The following METTL5 variants were observed in gnomAD, a reference collection of about 807,000 sequenced individuals.
The protein encoded by METTL5 is rRNA N(6)-adenosine-methyltransferase METTL5.
METTL5 carries 28 observed loss-of-function variants against 26.5 expected under a neutral mutation model. The observed-to-expected ratio is 1.06, with a 90% CI of 0.78 to 1.45. The LOEUF is 1.45. METTL5 is among the 40% of genes most tolerant of loss of function. The pLI, the probability that METTL5 is intolerant of heterozygous loss-of-function variation, is 0.00. For missense variants in METTL5, 231 were observed against 249.9 expected (o/e 0.92, Z 0.51); for synonymous variants, 86 against 82.6 (o/e 1.04, Z -0.22).
At chr2:169,819,318 C>T (rs1233056100) in intron 4 of METTL5, among the ~76,000 whole-genome samples, 10 of 152,098 alleles carry the variant, frequency 6.6e-5, no homozygotes, top group African/African-American at 2.4e-4. Context: ...TTTTCTACTC[C>T]TGAGTTATAG....
In METTL5 at chr2:169,815,520, T is replaced by G. The variant is rs140530422; in HGVS notation, c.498A>C (p.Gln166His). 75 of 1,600,774 alleles carry G rather than the reference T, an allele frequency of 4.7e-5. No homozygotes were observed. Among genetic ancestry groups the G allele is most frequent in the Non-Finnish European group, 6.0e-5 (70 of 1,170,166 alleles). ...LHKSSTREHV[Q>H]KKAAEWKIKI... Reference sequence around the variant, plus strand: ...TGATTTTCCATTCTGCAGCTTTCTTTTGAACATGCTGAACATAAATAATAT... The same window carrying G: ...TGATTTTCCATTCTGCAGCTTTCTTGTGAACATGCTGAACATAAATAATAT... The change falls in exon 5 of 7, where the codon CAA becomes CAC. Residue 166 changes from glutamine to histidine, a missense_variant. By Grantham distance (24) the Gln-to-His change is conservative (BLOSUM62 0). Coordinates refer to ENST00000260953, the MANE Select transcript of METTL5 (RefSeq NM_014168.4).
chr2:169,812,342 G>C, intron 6 of METTL5, 115 bp downstream of exon 6: 1 of 1,586,428 alleles, frequency 6.3e-7, no homozygotes, highest in African/African-American at 1.3e-5. Flanking sequence ...CTGAGTTCAA[G>C]CGATTCTCTT....
At chr2:169,820,942 A>T (rs1220883701) in intron 3 of METTL5, 150 bp downstream of exon 3, 2 of 572,012 alleles carry the variant, frequency 3.5e-6, no homozygotes, top group African/African-American at 3.9e-5. Context: ...GTTGCCCGGG[A>T]TGGCTACCAA....
At chr2:169,819,772 C>A in intron 3 of METTL5, 129 bp from the exon 4 acceptor site, 2 of 565,162 alleles carry the variant, frequency 3.5e-6, no homozygotes, top group South Asian at 2.6e-5. Flanking sequence ...AATAAGGGTA[C>A]AAATAAACTA....
chr2:169,811,994 G>A, intron 6 of METTL5, 136 bp from the exon 7 acceptor site: 4 of 1,009,984 alleles, frequency 4.0e-6, no homozygotes, highest in Non-Finnish European at 4.4e-6. Context: ...CCATTAAATT[G>A]CCTTTGTAAT....
chr2:169,818,298 C>T (rs370780950), intron 4 of METTL5, among the ~76,000 whole-genome samples: 2 of 152,174 alleles, frequency 1.3e-5, no homozygotes, highest in East Asian at 1.9e-4. Context: ...GCAGAAGACT[C>T]CAGAAGCCTG....
chr2:169,821,101 T>G lies in METTL5; in HGVS notation c.397A>C (p.Asn133His). The change falls in exon 3 of 7, where the codon AAT becomes CAT. Residue 133 changes from asparagine (N) to histidine (H), a missense_variant. Asn to His is a moderately conservative substitution (Grantham distance 68). Coordinates refer to ENST00000260953, the MANE Select transcript of METTL5 (RefSeq NM_014168.4). ...GATTCTTGTTACAAACCTTTATTAT[T>G]TTTGGTCCCAAAGGGAGGATTCATA... ...VIMNPPFGTK[N>H]NKGTDMAFLK... 1 of 1,585,950 alleles carries G rather than the reference T, an allele frequency of 6.3e-7. No individual in the cohort carries two copies. Among genetic ancestry groups the G allele is most frequent in the East Asian group, 2.3e-5 (1 of 44,290 alleles).
At chr2:169,824,103 G>GA (rs1161929591) in intron 1 of METTL5, 6 of 178,006 alleles carry the variant, frequency 3.4e-5, no homozygotes, top group Admixed American at 3.3e-4. Context: ...GTAGCAATGG[G>GA]AAACTGATCC....
At chr2:169,812,015 A>G in intron 6 of METTL5, 157 bp from the exon 7 acceptor site, 1 of 801,492 alleles carries the variant, frequency 1.2e-6, no homozygotes. Flanking sequence ...ATGAGAATGT[A>G]TTAGTACAAA....
chr2:169,815,016 C>T (rs989500542), intron 5 of METTL5, among the ~76,000 whole-genome samples: 3 of 152,046 alleles, frequency 2.0e-5, no homozygotes, highest in Non-Finnish European at 2.9e-5. Context: ...CTCAGTCTCC[C>T]AAGTAGCTGA....
rs1298359270 is a variant in METTL5 at position 169,821,143 on chromosome 2, A to G, written c.355T>C (p.Ser119Pro). ...GGATTCATAATTACTGTATCGAATGACTTGGACATTCTGTTAGATAATAAG... is the reference window on the plus strand; with the variant it reads ...GGATTCATAATTACTGTATCGAATGGCTTGGACATTCTGTTAGATAATAAG... ...VCLLSNRMSK[S>P]FDTVIMNPPF... is the part of the protein sequence containing the mutation. The change falls in exon 3 of 7, where the codon TCA (serine) becomes CCA (proline). Residue 119 changes from serine (S) to proline (P), a missense_variant. Coordinates refer to ENST00000260953, the MANE Select transcript of METTL5 (RefSeq NM_014168.4). 6.2e-7 allele frequency: 1 copy of G among 1,610,862 alleles called. No individual in the cohort carries two copies. The highest frequency in any genetic ancestry group is 1.7e-5 in the Admixed American group (1 of 59,412).
intron 3 of METTL5, among the ~76,000 whole-genome samples, chr2:169,820,532 A>G (rs1351685539): frequency 1.3e-5 from 2 of 152,242 alleles, no homozygotes; most frequent in Non-Finnish European, 1.5e-5. Context: ...AATTTGTAAA[A>G]ATGAAAGTTG....
intron 5 of METTL5, among the ~76,000 whole-genome samples, chr2:169,814,597 T>C (rs10196858): frequency 0.97 from 141,440 of 145,302 alleles, 68,944 homozygotes; most frequent in East Asian, 1. Flanking sequence ...TTTTTTGAGA[T>C]GGAATCTCAC....
At chr2:169,816,035 CTA>C (rs555179172) in intron 4 of METTL5, among the ~76,000 whole-genome samples, 62 of 152,142 alleles carry the variant, frequency 4.1e-4, no homozygotes, top group African/African-American at 1.3e-3. Context: ...GTGGTCCACT[CTA>C]TGTTTGCACA....
intron 1 of METTL5, 96 bp downstream of exon 1, chr2:169,824,393 T>C: frequency 3.9e-6 from 4 of 1,013,326 alleles, no homozygotes; most frequent in Non-Finnish European, 3.1e-6. Context: ...AGAATTTCTC[T>C]AGACATTCTC....
intron 6 of METTL5, chr2:169,812,083 TTC>T: frequency 1.6e-6 from 1 of 618,680 alleles, no homozygotes; most frequent in Non-Finnish European, 2.7e-6. Context: ...GATTTTTTTT[TTC>T]TTTTTGTACC....
intron 4 of METTL5, among the ~76,000 whole-genome samples, chr2:169,818,190 A>G (rs1026277250): frequency 6.6e-6 from 1 of 152,214 alleles, no homozygotes; most frequent in African/African-American, 2.4e-5. Context: ...AGCCCTGGGC[A>G]CTGAGTCTCT....
chr2:169,818,729 A>G (rs2081543388), intron 4 of METTL5, among the ~76,000 whole-genome samples: 1 of 152,214 alleles, frequency 6.6e-6, no homozygotes, highest in African/African-American at 2.4e-5. Flanking sequence ...AGCACTTTAA[A>G]ATCTTTGAAT....
intron 1 of METTL5, among the ~76,000 whole-genome samples, chr2:169,822,968 C>A (rs1469918720): frequency 2.0e-5 from 3 of 152,026 alleles, no homozygotes; most frequent in African/African-American, 7.2e-5. Flanking sequence ...GCCACTGATT[C>A]CTGCGGATCC....
Sources: allele counts gnomAD v4.1 joint callset (sites outside exome capture counted in the v4.1 genomes callset), GRCh38; gene constraint gnomAD v4.1.1; transcripts MANE v1.5; gene names NCBI Gene and HGNC (gene_info 2026-07-23, HGNC 2026-07-21).